UNC79: variants seen among roughly 807,000 people sequenced by gnomAD.
UNC79 encodes unc-79 subunit of NALCN channel complex, also known as protein unc-79 homolog.
A neutral mutation model predicts 283.1 loss-of-function variants in UNC79; 37 were observed. The observed-to-expected ratio is 0.13, with a 90% CI of 0.10 to 0.17. The LOEUF (loss-of-function observed/expected upper bound fraction) is 0.17. Among genes scored for constraint, UNC79 ranks in the 10% least tolerant of loss-of-function variants. The pLI is 1.00. For synonymous variants in UNC79, 1,107 were observed against 1,200.2 expected (o/e 0.92, Z 1.61); for missense variants, 2,272 against 3,211.1 (o/e 0.71, Z 7.07).
chr14:93,472,313 C>T (rs912813711), intron 2 of UNC79, among the ~76,000 whole-genome samples: 1 of 151,900 alleles, frequency 6.6e-6, no homozygotes, highest in African/African-American at 2.4e-5. Flanking sequence ...ATAATTGAGT[C>T]ATGTGAGAAA....
intron 7 of UNC79, among the ~76,000 whole-genome samples, chr14:93,510,331 A>G (rs1484627510): frequency 3.3e-5 from 5 of 152,220 alleles, no homozygotes; most frequent in African/African-American, 1.2e-4. Context: ...TTACTTATGC[A>G]AATTTCTGCA....
intron 1 of UNC79, among the ~76,000 whole-genome samples, chr14:93,415,910 T>G (rs2055443841): frequency 6.6e-6 from 1 of 152,228 alleles, no homozygotes; most frequent in Non-Finnish European, 1.5e-5. Flanking sequence ...TTCTTCTATC[T>G]TTTCTTCTTT....
chr14:93,641,129 T>C lies in UNC79; in HGVS notation c.5801-16T>C, dbSNP rs2068994958. ...CTCATCTATATTCACTGGTTGTCCC[T>C]TTGCTGCTTACCCAGGTGCCACCAA... is the stretch of plus-strand genomic sequence containing the variant. On this transcript the variant is annotated splice_polypyrimidine_tract_variant and intron_variant, in intron 32 of 48. Transcript: ENST00000555664. 6.2e-7 allele frequency: 1 copy of C among 1,610,896 alleles called. No homozygotes were observed. Among genetic ancestry groups the C allele is most frequent in the African/African-American group, 1.3e-5 (1 of 74,984 alleles).
At chr14:93,643,058 C>G (rs1256777758) in intron 33 of UNC79, among the ~76,000 whole-genome samples, 4 of 152,178 alleles carry the variant, frequency 2.6e-5, no homozygotes, top group African/African-American at 9.7e-5. Flanking sequence ...TCCATTGTCT[C>G]CTCAGGCTTT....
At chr14:93,393,742 A>T (rs144059684) in intron 1 of UNC79, among the ~76,000 whole-genome samples, 1 of 152,276 alleles carries the variant, frequency 6.6e-6, no homozygotes, top group African/African-American at 2.4e-5. Flanking sequence ...TAGAAATTCA[A>T]GTATTCTTTT....
chr14:93,499,932 A>G (rs1056505504), intron 7 of UNC79, among the ~76,000 whole-genome samples: 1 of 152,126 alleles, frequency 6.6e-6, no homozygotes, highest in Non-Finnish European at 1.5e-5. Context: ...GGCAGAAGAT[A>G]GCATGATAGT....
intron 1 of UNC79, among the ~76,000 whole-genome samples, chr14:93,375,602 T>A (rs1434696014): frequency 6.6e-6 from 1 of 152,170 alleles, no homozygotes; most frequent in African/African-American, 2.4e-5. Context: ...AAGTGGCTTC[T>A]GCTTCTGGGG....
At chr14:93,589,623 T>C (rs1233532923) in intron 22 of UNC79, among the ~76,000 whole-genome samples, 2 of 151,962 alleles carry the variant, frequency 1.3e-5, no homozygotes, top group East Asian at 1.9e-4. Context: ...GACCAAAGAA[T>C]TGGGAGAGGA....
At chr14:93,536,575 G>T (rs538202949) in intron 11 of UNC79, among the ~76,000 whole-genome samples, 1 of 152,200 alleles carries the variant, frequency 6.6e-6, no homozygotes, top group South Asian at 2.1e-4. Context: ...AAAAACATGG[G>T]CTCTTATGTC....
At chr14:93,563,056 A>G (rs547854372) in intron 14 of UNC79, among the ~76,000 whole-genome samples, 22 of 152,318 alleles carry the variant, frequency 1.4e-4, no homozygotes, top group African/African-American at 3.6e-4. Flanking sequence ...TGTAACCTAC[A>G]TGGAAGAGGT....
At chr14:93,500,691 T>C (rs769724337) in intron 7 of UNC79, among the ~76,000 whole-genome samples, 8 of 152,122 alleles carry the variant, frequency 5.3e-5, no homozygotes, top group Admixed American at 6.6e-5. Flanking sequence ...AAATGAGGAG[T>C]GGGACATAGA....
rs1167408263 is a variant in UNC79, at chr14:93,410,348, T to G, written c.-350-57323T>G. On this transcript the variant is annotated intron_variant, in intron 1 of 49. Transcript: ENST00000256339. ...CAAGTCTTGCCACCTAGGGATGGAG[T>G]GCTCTGGGACCCTCATTAAACTTGA... Among the ~76,000 whole-genome samples, 5 of 152,206 alleles carry G rather than the reference T, an allele frequency of 3.3e-5. No homozygotes were observed. In the East Asian group the frequency reaches 7.7e-4, roughly 24 times the overall value.
chr14:93,598,365 CGTGTGTGTGTGTGT>C lies in UNC79; in HGVS notation c.3372+857_3372+870del, dbSNP rs71301930. Among the ~76,000 whole-genome samples, 23 of 64,088 alleles carry C rather than the reference CGTGTGTGTGTGTGT, an allele frequency of 3.6e-4. 1 individual carries two copies. The highest frequency in any genetic ancestry group is 2.3e-3 in the South Asian group (5 of 2,212). 42.0% of individuals were successfully genotyped at this position (64,088 alleles called of 152,430 possible). On this transcript the variant is annotated intron_variant, in intron 24 of 48. Transcript: ENST00000555664. ...TTGGACAGATGTAATTATTGCATAA[CGTGTGTGTGTGTGT>C]GTGTGTGTGTGTGTGTGTGTGTGTG... is the stretch of plus-strand genomic sequence containing the variant.
At chr14:93,432,320 T>C (rs1049101449) in intron 1 of UNC79, among the ~76,000 whole-genome samples, 1 of 152,240 alleles carries the variant, frequency 6.6e-6, no homozygotes, top group African/African-American at 2.4e-5. Flanking sequence ...TTTATGTTTT[T>C]TTGGAATCCG....
chr14:93,628,446 C>A (rs1189644805), intron 30 of UNC79, among the ~76,000 whole-genome samples: 3 of 152,352 alleles, frequency 2.0e-5, no homozygotes, highest in Middle Eastern at 6.8e-3. Context: ...CCAGCCCCTA[C>A]CTGGTATCTT....
intron 41 of UNC79, among the ~76,000 whole-genome samples, chr14:93,677,263 G>T (rs1330191675): frequency 6.6e-6 from 1 of 152,152 alleles, no homozygotes; most frequent in Non-Finnish European, 1.5e-5. Flanking sequence ...GCCACACATG[G>T]TATATTAGTC....
chr14:93,410,031 T>G (rs1411243301), intron 1 of UNC79, among the ~76,000 whole-genome samples: 2 of 152,186 alleles, frequency 1.3e-5, no homozygotes, highest in Admixed American at 6.5e-5. Flanking sequence ...TGGTTTTAAC[T>G]TCATATCACT....
chr14:93,570,586 G>A (rs1045902972), intron 14 of UNC79, among the ~76,000 whole-genome samples: 2 of 152,136 alleles, frequency 1.3e-5, no homozygotes, highest in African/African-American at 4.8e-5. Context: ...TATGGTGGGT[G>A]TAGATTTAAA....
chr14:93,497,217 C>G (rs79866114), exon 7 of UNC79: 23,011 of 1,613,558 alleles, frequency 0.014, 215 homozygotes, highest in Non-Finnish European at 0.016. Flanking sequence ...TGTGCAAATG[C>G]TTTTCCACTA....
Sources: allele counts gnomAD v4.1 joint callset (sites outside exome capture counted in the v4.1 genomes callset), GRCh38; gene constraint gnomAD v4.1.1; transcripts MANE v1.5; gene names NCBI Gene and HGNC (gene_info 2026-07-23, HGNC 2026-07-21).